PDGFC: variants seen among roughly 807,000 people sequenced by gnomAD.
PDGFC encodes platelet derived growth factor C, also known as platelet-derived growth factor C.
PDGFC carries 12 observed loss-of-function variants against 35.5 expected under a neutral mutation model. That is an observed-to-expected ratio of 0.34 (90% CI 0.22 to 0.55). The LOEUF is 0.55. Ranked by LOEUF, PDGFC falls within the 20% of genes least tolerant of loss-of-function variation. PDGFC has a pLI of 0.91. For missense variants in PDGFC, 322 were observed against 412.4 expected (o/e 0.78, Z 1.90); for synonymous variants, 159 against 148.8 (o/e 1.07, Z -0.50).
At chr4:156,767,636 T>A in intron 5 of PDGFC, 137 bp downstream of exon 5, 2 of 617,074 alleles carry the variant, frequency 3.2e-6, no homozygotes, top group South Asian at 4.1e-5. Flanking sequence ...AACAAAAACA[T>A]AAACTATTTG....
intron 1 of PDGFC, among the ~76,000 whole-genome samples, chr4:156,910,709 C>T (rs928806743): frequency 2.6e-5 from 4 of 152,100 alleles, no homozygotes; most frequent in South Asian, 2.1e-4. Flanking sequence ...TTTGGCATCA[C>T]CAGCATTTTT....
At chr4:156,791,339 AATT>A (rs1731295042) in intron 3 of PDGFC, among the ~76,000 whole-genome samples, 1 of 152,328 alleles carries the variant, frequency 6.6e-6, no homozygotes, top group African/African-American at 2.4e-5. Flanking sequence ...AAAAGAGTAC[AATT>A]ATTATTGTTG....
intron 2 of PDGFC, among the ~76,000 whole-genome samples, chr4:156,837,587 T>C (rs1388879939): frequency 1.3e-5 from 2 of 152,306 alleles, no homozygotes; most frequent in African/African-American, 4.8e-5. Flanking sequence ...AAGGCAATTA[T>C]GGAAAGTAAG....
At position 156,925,577 on chromosome 4, in the gene PDGFC, T is replaced by A. The variant is rs983570511; in HGVS notation, c.118+45209A>T. On this transcript the variant is annotated intron_variant, in intron 1 of 5. Coordinates refer to ENST00000502773, the MANE Select transcript of PDGFC (RefSeq NM_016205.3). ...AAATGAAGAGTTTGTTTTGGTCATG[T>A]TGAAATTAAGATGCCTATGAGATCT... 5.9e-5 allele frequency among the ~76,000 whole-genome samples: 9 copies of A among 152,016 alleles called. No homozygotes were observed. In the East Asian group the frequency reaches 1.7e-3, roughly 29 times the overall value.
chr4:156,912,501 C>T (rs1299957573), intron 1 of PDGFC, among the ~76,000 whole-genome samples: 1 of 152,100 alleles, frequency 6.6e-6, no homozygotes, highest in Non-Finnish European at 1.5e-5. Flanking sequence ...TTCCTCCTTC[C>T]TTCCTTTCCT....
intron 2 of PDGFC, among the ~76,000 whole-genome samples, chr4:156,818,784 G>A (rs538238996): frequency 6.6e-6 from 1 of 152,194 alleles, no homozygotes; most frequent in Non-Finnish European, 1.5e-5. Context: ...TTACAGGCTT[G>A]AGCCACCGCA....
chr4:156,891,874 G>A (rs1038420442), intron 1 of PDGFC, among the ~76,000 whole-genome samples: 1 of 152,128 alleles, frequency 6.6e-6, no homozygotes, highest in East Asian at 1.9e-4. Flanking sequence ...AAAGAAACTT[G>A]CCATGGGTGT....
intron 1 of PDGFC, among the ~76,000 whole-genome samples, chr4:156,854,655 C>CA (rs1729531936): frequency 6.6e-6 from 1 of 151,944 alleles, no homozygotes; most frequent in Non-Finnish European, 1.5e-5. Flanking sequence ...TTAAGTTTAC[C>CA]AAATTAAGAC....
At chr4:156,871,165 C>T in intron 1 of PDGFC, among the ~76,000 whole-genome samples, 1 of 151,822 alleles carries the variant, frequency 6.6e-6, no homozygotes, top group Non-Finnish European at 1.5e-5. Context: ...TAGTAGATGC[C>T]AAGACAGGGG....
intron 3 of PDGFC, among the ~76,000 whole-genome samples, chr4:156,784,555 C>G (rs529968457): frequency 3.3e-5 from 5 of 152,030 alleles, no homozygotes; most frequent in African/African-American, 1.2e-4. Flanking sequence ...GCAAGTAGAA[C>G]TTTTTCATTA....
At chr4:156,831,003 T>C (rs892964989) in intron 2 of PDGFC, among the ~76,000 whole-genome samples, 2 of 152,164 alleles carry the variant, frequency 1.3e-5, no homozygotes, top group Non-Finnish European at 2.9e-5. Context: ...CCCTTTACTA[T>C]TCAATGCTTT....
Position 156,831,814 on chromosome 4 carries a change from G to C in PDGFC, c.314+18407C>G, listed in dbSNP as rs536397067. On this transcript the variant is annotated intron_variant, in intron 2 of 5. Coordinates refer to ENST00000502773, the MANE Select transcript of PDGFC (RefSeq NM_016205.3). ...AAACAAGGACACTAGACTGTATTTC[G>C]AGTAATAAATTAGATACAATTTTTC... is the stretch of plus-strand genomic sequence containing the variant. Among the ~76,000 whole-genome samples the C allele has an allele frequency of 5.3e-5, 8 of 152,054 alleles. No individual in the cohort carries two copies. The East Asian group carries it at 1.4e-3, about 26-fold the overall frequency.
At chr4:156,901,227 A>G (rs1006967060) in intron 1 of PDGFC, among the ~76,000 whole-genome samples, 4 of 152,306 alleles carry the variant, frequency 2.6e-5, no homozygotes, top group Admixed American at 6.5e-5. Flanking sequence ...TAAATTGACC[A>G]TGGGTGGCTT....
chr4:156,844,303 AG>A (rs1729273707), intron 2 of PDGFC, among the ~76,000 whole-genome samples: 1 of 152,218 alleles, frequency 6.6e-6, no homozygotes, highest in South Asian at 2.1e-4. Flanking sequence ...GCACTTCTAA[AG>A]TAGTCATTCA....
chr4:156,877,899 C>T (rs1215161504), intron 1 of PDGFC, among the ~76,000 whole-genome samples: 1 of 152,124 alleles, frequency 6.6e-6, no homozygotes, highest in Non-Finnish European at 1.5e-5. Context: ...ATCTACCCTG[C>T]TAGGATAATT....
chr4:156,895,448 C>T (rs902962466), intron 1 of PDGFC, among the ~76,000 whole-genome samples: 6 of 151,978 alleles, frequency 3.9e-5, no homozygotes, highest in Admixed American at 2.6e-4. Flanking sequence ...GCCTGGCCAA[C>T]ATGGTAAACC....
chr4:156,946,835 G>A (rs1443563747), intron 1 of PDGFC, among the ~76,000 whole-genome samples: 1 of 151,984 alleles, frequency 6.6e-6, no homozygotes, highest in Non-Finnish European at 1.5e-5. Flanking sequence ...TTTCATATGT[G>A]TTAAGACTTT....
intron 2 of PDGFC, among the ~76,000 whole-genome samples, chr4:156,838,941 C>T (rs1022102613): frequency 6.6e-6 from 1 of 152,086 alleles, no homozygotes; most frequent in African/African-American, 2.4e-5. Flanking sequence ...GACCAGGGGG[C>T]CAATGCTAGT....
At chr4:156,830,789 T>G (rs1289939312) in intron 2 of PDGFC, among the ~76,000 whole-genome samples, 2 of 152,154 alleles carry the variant, frequency 1.3e-5, no homozygotes, top group African/African-American at 4.8e-5. Flanking sequence ...TATTGAAAAA[T>G]GTGATCAATT....
Sources: gnomAD v4.1 joint callset for allele counts (sites outside exome capture counted in the v4.1 genomes callset) on GRCh38, gnomAD v4.1.1 for gene constraint, MANE v1.5 for transcripts, NCBI Gene and HGNC (gene_info 2026-07-23, HGNC 2026-07-21) for gene names.